AKIRIN2: variants seen among roughly 807,000 people sequenced by gnomAD.
The protein encoded by AKIRIN2 is akirin-2.
Under a neutral mutation model 29.3 loss-of-function variants are expected in AKIRIN2, and 6 were observed. The ratio of observed to expected loss-of-function variants is 0.20; its 90% confidence interval spans 0.11 to 0.40. AKIRIN2 has a LOEUF of 0.40. AKIRIN2 is among the 10% of genes least tolerant of loss of function. The pLI, the probability that AKIRIN2 is intolerant of heterozygous loss-of-function variation, is 1.00. For missense variants in AKIRIN2, 210 were observed against 276.1 expected (o/e 0.76, Z 1.70); for synonymous variants, 128 against 117.5 (o/e 1.09, Z -0.58).
At chr6:87,690,538 G>T (rs1253605967) in intron 1 of AKIRIN2, among the ~76,000 whole-genome samples, 3 of 152,148 alleles carry the variant, frequency 2.0e-5, no homozygotes, top group Non-Finnish European at 4.4e-5. Flanking sequence ...CTCATTACAT[G>T]ACATTAACCT....
At chr6:87,680,573 A>G (rs1038358418) in intron 2 of AKIRIN2, among the ~76,000 whole-genome samples, 2 of 151,542 alleles carry the variant, frequency 1.3e-5, no homozygotes, top group African/African-American at 4.8e-5. Context: ...GCCCAGCCGC[A>G]AATTTTTTTA....
At chr6:87,684,630 G>A (rs1771162011) in intron 1 of AKIRIN2, among the ~76,000 whole-genome samples, 1 of 152,188 alleles carries the variant, frequency 6.6e-6, no homozygotes, top group African/African-American at 2.4e-5. Context: ...GAATCATAAA[G>A]AGTGTAGACT....
At position 87,702,135 on chromosome 6, in the gene AKIRIN2, C is replaced by T; in HGVS notation, c.-451G>A. ...TAATACGCCCGAGTACGGTCAGTAG[C>T]TTGCGAGCGGCGATCGATGCAGAGA... On this transcript the variant is annotated 5_prime_UTR_variant, in exon 1 of 5. Coordinates refer to ENST00000257787, the MANE Select transcript of AKIRIN2 (RefSeq NM_018064.4). 1 of 398,978 alleles carries T rather than the reference C, an allele frequency of 2.5e-6. No individual in the cohort carries two copies. The allele number at this position is 398,978 out of a possible 1,614,324, so 24.7% of individuals were successfully genotyped here.
At chr6:87,678,318 T>C (rs921764348) in intron 2 of AKIRIN2, among the ~76,000 whole-genome samples, 2 of 148,728 alleles carry the variant, frequency 1.3e-5, no homozygotes, top group East Asian at 2.0e-4. Context: ...GCCAACATGG[T>C]GAAACCCTGC....
chr6:87,676,596 A>AACACACGCACGCGCGCGCGCACACAC (rs1485678233), intron 3 of AKIRIN2, among the ~76,000 whole-genome samples: 1 of 142,046 alleles, frequency 7.0e-6, no homozygotes, highest in African/African-American at 2.7e-5. Flanking sequence ...CTCTACTAAA[A>AACACACGCACGCGCGCGCGCACACAC]ACACACACAC....
At chr6:87,682,780 T>C (rs1013835390) in intron 1 of AKIRIN2, among the ~76,000 whole-genome samples, 6 of 152,060 alleles carry the variant, frequency 3.9e-5, no homozygotes, top group South Asian at 2.1e-4. Flanking sequence ...TCTACAATGA[T>C]GCATTAATTT....
In AKIRIN2 at chr6:87,688,067, G is replaced by C. The variant is rs556548464; in HGVS notation, c.236-6304C>G. Reference sequence around the variant, plus strand: ...AGATAGTTTGATCCCAGGAGTGCCAGGCTACAGTGAGCTACAATAGCGCCA... The same window carrying C: ...AGATAGTTTGATCCCAGGAGTGCCACGCTACAGTGAGCTACAATAGCGCCA... On this transcript the variant is annotated intron_variant, in intron 1 of 4. Transcript: ENST00000257787. Among the ~76,000 whole-genome samples the C allele has an allele frequency of 3.3e-4, 50 of 152,214 alleles. 1 individual carries two copies. In the South Asian group the frequency reaches 7.7e-3, roughly 23 times the overall value.
chr6:87,675,509 G>A lies in AKIRIN2; in HGVS notation c.*88C>T. On this transcript the variant is annotated 3_prime_UTR_variant, in exon 5 of 5. Coordinates refer to ENST00000257787, the MANE Select transcript of AKIRIN2 (RefSeq NM_018064.4). Reference sequence around the variant, plus strand: ...TGAAATAACCTGTATTCACAGAAGGGGTATTGGCATTGCTGCATGTCATAA... The same window carrying A: ...TGAAATAACCTGTATTCACAGAAGGAGTATTGGCATTGCTGCATGTCATAA... The A allele has an allele frequency of 2.6e-6, 4 of 1,529,114 alleles. No homozygotes were observed. The highest frequency in any genetic ancestry group is 2.3e-5 in the South Asian group (2 of 88,772). 94.7% of individuals were successfully genotyped at this position (1,529,114 alleles called of 1,614,324 possible). A position where few individuals can be genotyped will look rare whatever the true frequency, so the allele number is the denominator to read the frequency against.
At chr6:87,695,465 A>G (rs1674699422) in intron 1 of AKIRIN2, among the ~76,000 whole-genome samples, 1 of 152,238 alleles carries the variant, frequency 6.6e-6, no homozygotes. Context: ...ATAGTTTTGT[A>G]TAGGCTTAAA....
chr6:87,702,094 G>A lies in AKIRIN2; in HGVS notation c.-410C>T, dbSNP rs528965871. 105 of 399,244 alleles carry A rather than the reference G, an allele frequency of 2.6e-4. No individual in the cohort carries two copies. Among genetic ancestry groups the A allele is most frequent in the Admixed American group, 2.0e-3 (46 of 22,750 alleles). 24.7% of individuals were successfully genotyped at this position (399,244 alleles called of 1,614,324 possible). A position where few individuals can be genotyped will look rare whatever the true frequency, so the allele number is the denominator to read the frequency against. ...CGAAAACAGCACCGTGGGGTGTGAG[G>A]CTGGAACGCGGCTCCTAATACGCCC... On this transcript the variant is annotated 5_prime_UTR_variant, in exon 1 of 5. Transcript: ENST00000257787.
chr6:87,679,863 C>T lies in AKIRIN2; in HGVS notation c.379+1757G>A, dbSNP rs189692491. Among the ~76,000 whole-genome samples, 178 of 152,312 alleles carry T rather than the reference C, an allele frequency of 1.2e-3. 1 individual carries two copies. Among genetic ancestry groups the T allele is most frequent in the African/African-American group, 3.9e-3 (161 of 41,560 alleles). ...TTTATACATATTCAAGTGCACCATT[C>T]GTTACCAATTGTTTCTTCATCTCGC... On this transcript the variant is annotated intron_variant, in intron 2 of 4. Coordinates refer to ENST00000257787, the MANE Select transcript of AKIRIN2 (RefSeq NM_018064.4).
intron 3 of AKIRIN2, among the ~76,000 whole-genome samples, chr6:87,676,202 C>G (rs1018570934): frequency 6.6e-6 from 1 of 152,112 alleles, no homozygotes; most frequent in African/African-American, 2.4e-5. Flanking sequence ...CGGTGGCTCA[C>G]GCCTGTAATC....
intron 1 of AKIRIN2, among the ~76,000 whole-genome samples, chr6:87,701,136 G>T (rs1771455495): frequency 6.6e-6 from 1 of 151,822 alleles, no homozygotes; most frequent in Non-Finnish European, 1.5e-5. Flanking sequence ...TTTCCGCTGG[G>T]GCTCCAGCGA....
intron 3 of AKIRIN2, among the ~76,000 whole-genome samples, chr6:87,676,804 T>C (rs373419303): frequency 9.9e-4 from 137 of 138,292 alleles, no homozygotes; most frequent in African/African-American, 2.9e-3. Flanking sequence ...TGGCCGGGCA[T>C]GGTGGCTTAC....
At chr6:87,676,598 C>A (rs1582114278) in intron 3 of AKIRIN2, among the ~76,000 whole-genome samples, 1 of 23,418 alleles carries the variant, frequency 4.3e-5, no homozygotes, top group Admixed American at 4.9e-4. Context: ...CTACTAAAAA[C>A]ACACACACAC....
At chr6:87,694,643 A>AAATC (rs1771330017) in intron 1 of AKIRIN2, among the ~76,000 whole-genome samples, 1 of 152,214 alleles carries the variant, frequency 6.6e-6, no homozygotes, top group Non-Finnish European at 1.5e-5. Context: ...AATGTTAATA[A>AAATC]AATCACAATA....
chr6:87,685,834 C>T (rs146960885), intron 1 of AKIRIN2, among the ~76,000 whole-genome samples: 428 of 152,242 alleles, frequency 2.8e-3, no homozygotes, highest in African/African-American at 9.8e-3. Flanking sequence ...AAACCTAGTA[C>T]ATGACACTAA....
intron 2 of AKIRIN2, among the ~76,000 whole-genome samples, chr6:87,679,635 A>G (rs1286657062): frequency 6.6e-6 from 1 of 152,098 alleles, no homozygotes; most frequent in Non-Finnish European, 1.5e-5. Context: ...AATAAGCTCA[A>G]GCATTGAGCT....
intron 1 of AKIRIN2, among the ~76,000 whole-genome samples, chr6:87,683,014 T>C (rs1771141364): frequency 6.6e-6 from 1 of 152,204 alleles, no homozygotes; most frequent in African/African-American, 2.4e-5. Context: ...AACCACCATA[T>C]CTACAAAATC....
Sources: allele counts gnomAD v4.1 joint callset (sites outside exome capture counted in the v4.1 genomes callset), GRCh38; gene constraint gnomAD v4.1.1; transcripts MANE v1.5; gene names NCBI Gene and HGNC (gene_info 2026-07-23, HGNC 2026-07-21).